Variants in FGD4 observed in about 807,000 individuals in gnomAD.
FGD4 encodes the protein FYVE, RhoGEF and PH domain containing 4.
In FGD4, 42 loss-of-function variants were observed where a neutral mutation model predicts 102.0. That is an observed-to-expected ratio of 0.41 (90% CI 0.32 to 0.53). The LOEUF (loss-of-function observed/expected upper bound fraction) is 0.53, where lower values mean the gene tolerates loss of function less well. Ranked by LOEUF, FGD4 falls within the 20% of genes least tolerant of loss-of-function variation. The pLI, the probability that FGD4 is intolerant of heterozygous loss-of-function variation, is 0.21. For synonymous variants in FGD4, 380 were observed against 375.7 expected, an observed-to-expected ratio of 1.01 and a Z score of -0.13; for missense variants, 902 against 1,078.2, an observed-to-expected ratio of 0.84 and a Z score of 2.29.
At chr12:32,491,910 T>C (rs1019069184) in intron 1 of FGD4, among the ~76,000 whole-genome samples, 1 of 152,218 alleles carries the variant, frequency 6.6e-6, no homozygotes, top group Non-Finnish European at 1.5e-5. Flanking sequence ...TCAAATACTG[T>C]GTTGTCCATT....
chr12:32,457,768 A>G (rs1166003897), intron 1 of FGD4, among the ~76,000 whole-genome samples: 3 of 152,202 alleles, frequency 2.0e-5, no homozygotes, highest in Non-Finnish European at 4.4e-5. Context: ...CTGGAACAGT[A>G]TGTAGCATAT....
At position 32,506,623 on chromosome 12, in the gene FGD4, C is replaced by T. The variant is rs1442024124; in HGVS notation, c.167-57514C>T. On this transcript the variant is annotated intron_variant, in intron 1 of 16. Transcript: ENST00000534526. The surrounding 1 kb of genome is among the most constrained non-coding windows in gnomAD (Gnocchi z 4.5). ...TTCTTCTGCTCCCTGCACCAACCCA[C>T]AGGCACCTCCTTGCCCAGGACCACC... 2.0e-5 allele frequency among the ~76,000 whole-genome samples: 3 copies of T among 152,200 alleles called. No individual in the cohort carries two copies. Among genetic ancestry groups the T allele is most frequent in the African/African-American group, 4.8e-5 (2 of 41,444 alleles).
Position 32,445,799 on chromosome 12 carries a change from A to T in FGD4, c.166+45840A>T, listed in dbSNP as rs144977049. ...AAATAACTGTAAGGACCTTCTACCT[A>T]TGGAACAAATTTGCAAGAAAAGTCC... On this transcript the variant is annotated intron_variant, in intron 1 of 16. Coordinates refer to ENST00000534526, the MANE Select transcript of FGD4 (RefSeq NM_001370298.3). 3.8e-3 allele frequency among the ~76,000 whole-genome samples: 575 copies of T among 152,310 alleles called. 1 individual carries two copies. The highest frequency in any genetic ancestry group is 0.031 in the Middle Eastern group (9 of 294).
intron 11 of FGD4, among the ~76,000 whole-genome samples, chr12:32,621,157 T>G (rs533771415): frequency 1.8e-4 from 27 of 152,090 alleles, no homozygotes; most frequent in African/African-American, 5.1e-4. Flanking sequence ...GGAGGATCAC[T>G]TGAGATTAGG....
intron 1 of FGD4, among the ~76,000 whole-genome samples, chr12:32,419,755 G>A (rs1941559372): frequency 6.6e-6 from 1 of 152,198 alleles, no homozygotes; most frequent in Admixed American, 6.5e-5. Context: ...CTGCTATGGT[G>A]GGTGATTTCC....
chr12:32,424,366 A>G (rs1464295190), intron 1 of FGD4, among the ~76,000 whole-genome samples: 1 of 152,126 alleles, frequency 6.6e-6, no homozygotes, highest in Non-Finnish European at 1.5e-5. Flanking sequence ...GATTGTTTCT[A>G]GCTTCATCCA....
At chr12:32,600,584 C>CTTTTTTTTTTTTTTTTTTTTTTTTTTT (rs776556112) in intron 5 of FGD4, 1 of 267,970 alleles carries the variant, frequency 3.7e-6, no homozygotes, top group South Asian at 8.1e-5. Flanking sequence ...TTCTTTCTTT[C>CTTTTTTTTTTTTTTTTTTTTTTTTTTT]TTTCTTTCTT....
rs757693500 is a variant in FGD4, at chr12:32,601,395, C to A, written c.1219C>A (p.Pro407Thr). ...TGCCTTCCATAGTAAATTCCTCTTG[C>A]CAGAGCTGGAGAAACGAATGCAAGA... is the stretch of plus-strand genomic sequence containing the variant. ...INAFHSKFLL[P>T]ELEKRMQEWE... The change falls in exon 6 of 17, where the codon CCA becomes ACA. Residue 407 changes from proline to threonine, a missense_variant. Transcript: ENST00000534526. 2.5e-6 allele frequency: 4 copies of A among 1,613,916 alleles called. No homozygotes were observed. In the South Asian group the frequency reaches 4.4e-5, roughly 18 times the overall value.
chr12:32,500,512 C>T (rs1004661265), intron 1 of FGD4, among the ~76,000 whole-genome samples: 3 of 151,836 alleles, frequency 2.0e-5, no homozygotes, highest in Non-Finnish European at 4.4e-5. Flanking sequence ...TGGCTCATTG[C>T]AACCTCCGCC....
chr12:32,627,431 G>C (rs1417015945), intron 14 of FGD4, among the ~76,000 whole-genome samples: 1 of 152,214 alleles, frequency 6.6e-6, no homozygotes, highest in Admixed American at 6.5e-5. Context: ...TGGGATTACA[G>C]GCGTGAGCCA....
At chr12:32,402,858 C>G (rs780761871) in intron 1 of FGD4, among the ~76,000 whole-genome samples, 1 of 151,946 alleles carries the variant, frequency 6.6e-6, no homozygotes, top group Non-Finnish European at 1.5e-5. Flanking sequence ...TACTGGATGA[C>G]CACACCCTGT....
At chr12:32,407,564 G>C (rs990616217) in intron 1 of FGD4, among the ~76,000 whole-genome samples, 1 of 152,184 alleles carries the variant, frequency 6.6e-6, no homozygotes, top group African/African-American at 2.4e-5. Context: ...AATAAGACAA[G>C]GAATGCTATA....
chr12:32,567,430 A>T (rs1434274522), intron 2 of FGD4, among the ~76,000 whole-genome samples: 4 of 152,054 alleles, frequency 2.6e-5, no homozygotes, highest in Non-Finnish European at 5.9e-5. Context: ...CGACAATAGG[A>T]CATTGGTAGT....
chr12:32,486,060 G>A (rs1023556561), intron 1 of FGD4: 1 of 1,501,656 alleles, frequency 6.7e-7, no homozygotes, highest in Admixed American at 2.3e-5. Flanking sequence ...ACAAATTATG[G>A]ATCCAAATCC....
chr12:32,592,102 A>G (rs1056591449), intron 4 of FGD4, among the ~76,000 whole-genome samples: 1 of 151,938 alleles, frequency 6.6e-6, no homozygotes, highest in Admixed American at 6.6e-5. Flanking sequence ...TTATTTTTTG[A>G]GACAGAGTCT....
chr12:32,562,022 T>C (rs1248795923), intron 1 of FGD4, among the ~76,000 whole-genome samples: 3 of 152,146 alleles, frequency 2.0e-5, no homozygotes, highest in Non-Finnish European at 4.4e-5. Context: ...TGGGCGCATG[T>C]GTGTATTTGT....
At chr12:32,617,507 A>G (rs1336275434) in intron 10 of FGD4, among the ~76,000 whole-genome samples, 2 of 152,212 alleles carry the variant, frequency 1.3e-5, no homozygotes. Context: ...AACAGTAGAG[A>G]TCAAGAAAGA....
In FGD4 at chr12:32,480,790, C is replaced by G. The variant is rs1037566672; in HGVS notation, c.166+80831C>G. Among the ~76,000 whole-genome samples the G allele has an allele frequency of 1.5e-4, 23 of 149,422 alleles. No homozygotes were observed. In the East Asian group the frequency reaches 4.6e-3, roughly 30 times the overall value. Reference sequence around the variant, plus strand: ...CTGGGATTACAGGCGTGAGCCACCACGCCCGGCCTTTTTTTTTTTTTTTTA... The same window carrying G: ...CTGGGATTACAGGCGTGAGCCACCAGGCCCGGCCTTTTTTTTTTTTTTTTA... On this transcript the variant is annotated intron_variant, in intron 1 of 16. Transcript: ENST00000534526.
At chr12:32,604,543 T>G (rs1217189938) in intron 7 of FGD4, among the ~76,000 whole-genome samples, 2 of 152,224 alleles carry the variant, frequency 1.3e-5, no homozygotes, top group African/African-American at 4.8e-5. Context: ...TGAATTTTTC[T>G]TTTCAATTAC....
Sources: gnomAD v4.1 joint callset for allele counts (sites outside exome capture counted in the v4.1 genomes callset) on GRCh38, gnomAD v4.1.1 for gene constraint, Gnocchi (gnomAD v3.1) non-coding constraint, MANE v1.5 for transcripts, NCBI Gene and HGNC (gene_info 2026-07-23, HGNC 2026-07-21) for gene names.